The following TRIM5 variants were observed in gnomAD, a reference collection of about 807,000 sequenced individuals.
The protein encoded by TRIM5 is tripartite motif containing 5, also known as tripartite motif-containing protein 5.
Under a neutral mutation model 35.6 loss-of-function variants are expected in TRIM5, and 31 were observed. The ratio of observed to expected loss-of-function variants is 0.87; its 90% CI spans 0.65 to 1.18. The LOEUF (loss-of-function observed/expected upper bound fraction) is 1.18. TRIM5 is among the 50% of genes most tolerant of loss of function. TRIM5 has a pLI of 0.00. For missense variants in TRIM5, 609 were observed against 591.6 expected, an observed-to-expected ratio of 1.03 and a Z score of -0.31; for synonymous variants, 243 against 215.6, an observed-to-expected ratio of 1.13 and a Z score of -1.11.
At chr11:5,622,537 G>T in the TRIM5 span, among the ~76,000 whole-genome samples, 4 of 151,956 alleles carry the variant, frequency 2.6e-5, no homozygotes, top group Non-Finnish European at 5.9e-5. Flanking sequence ...TAGGAGAATC[G>T]AACCTGGGAG....
intron 4 of TRIM5, among the ~76,000 whole-genome samples, chr11:5,670,783 C>A (rs2342384): frequency 0.3 from 45,021 of 151,560 alleles, 8,422 homozygotes; most frequent in African/African-American, 0.53. Flanking sequence ...TACATGGACA[C>A]ACAGGACAAA....
chr11:5,623,294 T>G, the TRIM5 span, among the ~76,000 whole-genome samples: 1 of 152,010 alleles, frequency 6.6e-6, no homozygotes, highest in Non-Finnish European at 1.5e-5. Context: ...GGAAAAGAAA[T>G]CTGAAAGTAT....
chr11:5,607,581 G>T, the TRIM5 span, among the ~76,000 whole-genome samples: 1 of 152,208 alleles, frequency 6.6e-6, no homozygotes, highest in Non-Finnish European at 1.5e-5. Flanking sequence ...ACAGAAATGA[G>T]ACTAGCAGTG....
At chr11:5,643,564 C>G in the TRIM5 span, 1 of 1,614,202 alleles carries the variant, frequency 6.2e-7, no homozygotes, top group Middle Eastern at 1.6e-4. Context: ...GACTATGAAG[C>G]AGGCATTGTC....
the TRIM5 span, chr11:5,634,630 G>C: frequency 1.8e-5 from 29 of 1,610,248 alleles, no homozygotes; most frequent in South Asian, 3.1e-4. Flanking sequence ...CATCCTTGCA[G>C]TATCAGGTAC....
the TRIM5 span, among the ~76,000 whole-genome samples, chr11:5,601,596 A>T: frequency 1.3e-5 from 2 of 152,092 alleles, no homozygotes; most frequent in African/African-American, 4.8e-5. Flanking sequence ...TGTCTCTACT[A>T]AAAATACAAA....
intron 4 of TRIM5, among the ~76,000 whole-genome samples, chr11:5,674,009 G>A (rs999202351): frequency 2.6e-5 from 4 of 151,690 alleles, no homozygotes; most frequent in South Asian, 2.1e-4. Flanking sequence ...AAAACTCAAC[G>A]AAAAAGATGA....
intron 5 of TRIM5, among the ~76,000 whole-genome samples, chr11:5,667,156 T>C (rs1016450582): frequency 1.3e-5 from 2 of 152,130 alleles, no homozygotes; most frequent in African/African-American, 4.8e-5. Flanking sequence ...ACCACCCAAA[T>C]TTTCTACCAT....
At chr11:5,595,707 A>T in the TRIM5 span, among the ~76,000 whole-genome samples, 10 of 149,316 alleles carry the variant, frequency 6.7e-5, no homozygotes, top group African/African-American at 2.0e-4. Flanking sequence ...TTGCGTTGCT[A>T]CCTTCAAAAA....
chr11:5,630,708 A>C, the TRIM5 span, among the ~76,000 whole-genome samples: 1 of 152,136 alleles, frequency 6.6e-6, no homozygotes, highest in Non-Finnish European at 1.5e-5. Flanking sequence ...TTCTCTATTT[A>C]GCACATTATT....
the TRIM5 span, among the ~76,000 whole-genome samples, chr11:5,635,987 A>G: frequency 6.6e-6 from 1 of 152,246 alleles, no homozygotes; most frequent in African/African-American, 2.4e-5. Flanking sequence ...GCAGTTGCTC[A>G]GAAATGTAAA....
chr11:5,604,427 A>G, the TRIM5 span: 3 of 1,271,042 alleles, frequency 2.4e-6, no homozygotes, highest in Non-Finnish European at 3.2e-6. Flanking sequence ...CTAGGTTAGG[A>G]CAGGCTTCTT....
the TRIM5 span, among the ~76,000 whole-genome samples, chr11:5,615,108 ATTTAAT>A: frequency 6.6e-6 from 1 of 152,158 alleles, no homozygotes; most frequent in East Asian, 1.9e-4. Context: ...TTGGTTTATA[ATTTAAT>A]TTTAAATGGT....
the TRIM5 span, among the ~76,000 whole-genome samples, chr11:5,629,151 C>T: frequency 1.3e-5 from 2 of 152,116 alleles, no homozygotes; most frequent in Non-Finnish European, 2.9e-5. Flanking sequence ...GTGGCATACA[C>T]CTGTAATCCC....
At chr11:5,596,302 T>C in the TRIM5 span, 1 of 154,540 alleles carries the variant, frequency 6.5e-6, no homozygotes, top group Non-Finnish European at 1.4e-5. Flanking sequence ...GAGGGAGACT[T>C]CTGCATTTTC....
the TRIM5 span, among the ~76,000 whole-genome samples, chr11:5,640,553 A>G: frequency 6.6e-6 from 1 of 151,792 alleles, no homozygotes; most frequent in Non-Finnish European, 1.5e-5. Flanking sequence ...TTTTTGTTGA[A>G]GAATTTTGTA....
the TRIM5 span, among the ~76,000 whole-genome samples, chr11:5,592,632 T>C: frequency 1.3e-5 from 2 of 151,788 alleles, no homozygotes; most frequent in African/African-American, 4.8e-5. Flanking sequence ...AAAGGAAAGA[T>C]GGGGCCAGGC....
At chr11:5,634,787 C>T in the TRIM5 span, 2 of 1,613,928 alleles carry the variant, frequency 1.2e-6, no homozygotes, top group Admixed American at 3.3e-5. Context: ...GCTAGTTCAG[C>T]AGAAGCAGTT....
the TRIM5 span, among the ~76,000 whole-genome samples, chr11:5,635,903 G>A: frequency 6.6e-6 from 1 of 152,246 alleles, no homozygotes; most frequent in Admixed American, 6.5e-5. Flanking sequence ...TTGGGAAGAT[G>A]TGAAGAAATT....
Sources: gnomAD v4.1 joint callset for allele counts (sites outside exome capture counted in the v4.1 genomes callset) on GRCh38, gnomAD v4.1.1 for gene constraint, MANE v1.5 for transcripts, NCBI Gene and HGNC (gene_info 2026-07-23, HGNC 2026-07-21) for gene names.